The following NDUFS7 variants were observed in gnomAD, a reference collection of about 807,000 sequenced individuals.
The protein encoded by NDUFS7 is NADH:ubiquinone oxidoreductase core subunit S7.
NDUFS7 carries 11 observed loss-of-function variants against 31.1 expected under a neutral mutation model. The observed-to-expected ratio is 0.35, with a 90% CI of 0.22 to 0.59. NDUFS7 has a LOEUF of 0.59. NDUFS7 is among the 20% of genes least tolerant of loss of function. The pLI is 0.79. For missense variants in NDUFS7, 263 were observed against 324.2 expected, an observed-to-expected ratio of 0.81 and a Z score of 1.45; for synonymous variants, 136 against 127.9, an observed-to-expected ratio of 1.06 and a Z score of -0.43.
chr19:1,389,907 CTT>C (rs531607907), intron 4 of NDUFS7: 843 of 179,426 alleles, frequency 4.7e-3, no homozygotes, highest in South Asian at 0.012. Flanking sequence ...CTTTTCTTTT[CTT>C]TTTTTTTTTT....
intron 4 of NDUFS7, chr19:1,389,459 C>G: frequency 2.2e-6 from 1 of 457,836 alleles, no homozygotes; most frequent in South Asian, 1.5e-5. Context: ...CCGGAGGCCC[C>G]TGTGCTGGCC....
At chr19:1,394,257 G>C in intron 7 of NDUFS7, 1 of 794,504 alleles carries the variant, frequency 1.3e-6, no homozygotes, top group Non-Finnish European at 1.8e-6. Flanking sequence ...AGGTCACCCC[G>C]GGGGCAGTGG....
At chr19:1,389,519 C>T (rs777794317) in intron 4 of NDUFS7, 1 of 457,142 alleles carries the variant, frequency 2.2e-6, no homozygotes, top group Non-Finnish European at 4.4e-6. Flanking sequence ...GGAGATGACC[C>T]CTCCGTTTCC....
chr19:1,390,310 C>A (rs1360600427), intron 4 of NDUFS7: 1 of 176,462 alleles, frequency 5.7e-6, no homozygotes, highest in East Asian at 1.6e-4. Context: ...GCAGCCCTGC[C>A]TCACTCTGTA....
At position 1,395,063 on chromosome 19, in the gene NDUFS7, G is replaced by C. The variant is rs912279330; in HGVS notation, c.545-328G>C. Reference sequence around the variant, plus strand: ...CTCCCCACTGCTAAGTGTGTCTGCTGAGCGCTGGCCCCCATTGAGTCCTGA... The same window carrying C: ...CTCCCCACTGCTAAGTGTGTCTGCTCAGCGCTGGCCCCCATTGAGTCCTGA... On this transcript the variant is annotated intron_variant, in intron 7 of 7. Coordinates refer to ENST00000233627, the MANE Select transcript of NDUFS7 (RefSeq NM_024407.5). 12 of 1,242,558 alleles carry C rather than the reference G, an allele frequency of 9.7e-6. No homozygotes were observed. In the African/African-American group the frequency reaches 1.9e-4, roughly 19 times the overall value. 77.0% of individuals were successfully genotyped at this position (1,242,558 alleles called of 1,614,324 possible). A position where few individuals can be genotyped will look rare whatever the true frequency, so the allele number is the denominator to read the frequency against.
intron 2 of NDUFS7, 81 bp downstream of exon 2, chr19:1,387,928 G>A: frequency 2.4e-6 from 1 of 412,814 alleles, no homozygotes; most frequent in Non-Finnish European, 4.7e-6. Context: ...GGTGGGGGGT[G>A]GGGGGAGCGC....
At chr19:1,392,814 TGGG>T (rs2082566296) in intron 6 of NDUFS7, 2 of 277,974 alleles carry the variant, frequency 7.2e-6, no homozygotes. Context: ...TGTGGTCTCC[TGGG>T]GTTTCCAGCT....
At position 1,388,530 on chromosome 19, in the gene NDUFS7, G is replaced by T; in HGVS notation, c.59G>T (p.Ser20Ile). Residue 20 changes from serine to isoleucine, a missense_variant, in exon 3 of 8, where the codon AGC (serine) becomes ATC (isoleucine). Transcript: ENST00000233627. ...CGCGTTCCATCTCCCGGCAGCTCCA[G>T]CGTGGGCCCGGCTGTGCAGGCACGA... ...RGFRILGLRS[S>I]VGPAVQARGV... The T allele has an allele frequency of 1.2e-6, 2 of 1,611,188 alleles. No individual in the cohort carries two copies. The highest frequency in any genetic ancestry group is 3.3e-5 in the Admixed American group (2 of 59,988).
intron 4 of NDUFS7, 144 bp from the exon 5 acceptor site, chr19:1,390,727 C>T: frequency 1.1e-6 from 1 of 875,304 alleles, no homozygotes; most frequent in Non-Finnish European, 1.8e-6. Context: ...CCGGAGGCCA[C>T]CTGCAGGAGC....
At chr19:1,394,154 C>T in intron 7 of NDUFS7, 1 of 347,944 alleles carries the variant, frequency 2.9e-6, no homozygotes, top group Non-Finnish European at 5.6e-6. Flanking sequence ...AGAGGCACAT[C>T]CTGGTGCCTC....
At chr19:1,387,136 C>T (rs190664590) in intron 1 of NDUFS7, 203 of 150,952 alleles carry the variant, frequency 1.3e-3, no homozygotes, top group Non-Finnish European at 2.4e-3. Context: ...TGGGCAGCGC[C>T]CTCCCCGCTT....
Position 1,388,834 on chromosome 19 carries a change from A to G in NDUFS7, c.124A>G (p.Thr42Ala). 1 of 1,590,718 alleles carries G rather than the reference A, an allele frequency of 6.3e-7. No homozygotes were observed. Residue 42 changes from threonine to alanine, a missense_variant and splice_region_variant, in exon 4 of 8, where the codon ACC (threonine) becomes GCC (alanine). By Grantham distance (58) the Thr-to-Ala change is moderately conservative. Transcript: ENST00000233627. ...TGTGCCCGTGTGTCTCTGTGCCAGC[A>G]CCCAGCCTGCCCTGCCAAAGGCCAG... is the stretch of plus-strand genomic sequence containing the variant. ...QSVATDGPSSTQPALPKARAV... is the reference protein window; with the variant it reads ...QSVATDGPSSAQPALPKARAV...
chr19:1,393,348 C>T lies in NDUFS7; in HGVS notation c.544+18C>T. ...CATCCCAGGTAGGGCCGGGACCGCA[C>T]CGCCCACGAGGGAGCTGGAGACAGG... On this transcript the variant is annotated intron_variant, in intron 7 of 7. Transcript: ENST00000233627. The surrounding 1 kb of genome is among the most constrained non-coding windows in gnomAD (Gnocchi z 7.3). 6.4e-7 allele frequency: 1 copy of T among 1,553,170 alleles called. No homozygotes were observed. Among genetic ancestry groups the T allele is most frequent in the Non-Finnish European group, 8.7e-7 (1 of 1,149,128 alleles).
chr19:1,393,698 A>G lies in NDUFS7; in HGVS notation c.544+368A>G. 1.8e-6 allele frequency: 1 copy of G among 568,660 alleles called. No homozygotes were observed. The highest frequency in any genetic ancestry group is 3.2e-6 in the Non-Finnish European group (1 of 317,318). The allele number at this position is 568,660 out of a possible 1,614,324, so 35.2% of individuals were successfully genotyped here. On this transcript the variant is annotated intron_variant, in intron 7 of 7. Coordinates refer to ENST00000233627, the MANE Select transcript of NDUFS7 (RefSeq NM_024407.5). The surrounding 1 kb of genome is among the most constrained non-coding windows in gnomAD (Gnocchi z 7.3). ...TGTCCCGCGCCCTCAGCCTTACAGAAGGGCACGCAGGACTCCCTGGGACCC... is the reference window on the plus strand; with the variant it reads ...TGTCCCGCGCCCTCAGCCTTACAGAGGGGCACGCAGGACTCCCTGGGACCC...
intron 6 of NDUFS7, among the ~76,000 whole-genome samples, chr19:1,391,497 T>G (rs2082557614): frequency 6.6e-6 from 1 of 150,384 alleles, no homozygotes; most frequent in African/African-American, 2.4e-5. Context: ...TTTTTTTTTT[T>G]TTTTTTGAGA....
At position 1,388,937 on chromosome 19, in the gene NDUFS7, G is replaced by C; in HGVS notation, c.227G>C (p.Arg76Pro). 6.2e-7 allele frequency: 1 copy of C among 1,603,112 alleles called. No homozygotes were observed. Among genetic ancestry groups the C allele is most frequent in the Non-Finnish European group, 8.5e-7 (1 of 1,175,172 alleles). The change falls in exon 4 of 8, where the codon CGG (arginine) becomes CCG (proline). Residue 76 changes from arginine to proline, a missense_variant and splice_region_variant. Physicochemically the swap from Arg to Pro is moderately radical, Grantham distance 103 (BLOSUM62 -2). Coordinates refer to ENST00000233627, the MANE Select transcript of NDUFS7 (RefSeq NM_024407.5). ...GATGACCTCGTCAACTGGGCCCGCC[G>C]GGTGAGTACTATGAGCTGTAGGCCC... ...KLDDLVNWAR[R>P]SSLWPMTFGL... is the part of the protein sequence containing the mutation.
rs762472304 is a variant in NDUFS7, at chr19:1,390,856, G to T, written c.229-15G>T. The T allele has an allele frequency of 1.9e-6, 3 of 1,605,046 alleles. No homozygotes were observed. The highest frequency in any genetic ancestry group is 2.2e-5 in the South Asian group (2 of 90,946). ...GCTCCGGGGGTGGCGTCTGACCCGA[G>T]CCCGGCCTCCGCAGAGTTCTCTGTG... On this transcript the variant is annotated splice_polypyrimidine_tract_variant and intron_variant, in intron 4 of 7. Transcript: ENST00000233627.
Position 1,389,064 on chromosome 19 carries a change from C to T in NDUFS7, c.228+126C>T, listed in dbSNP as rs141532719. The T allele has an allele frequency of 2.0e-3, 1,702 of 836,544 alleles. 17 individuals carry two copies. The highest frequency in any genetic ancestry group is 0.02 in the African/African-American group (1,164 of 59,518). 51.8% of individuals were successfully genotyped at this position (836,544 alleles called of 1,614,324 possible). A position where few individuals can be genotyped will look rare whatever the true frequency, so the allele number is the denominator to read the frequency against. ...CAACACATGCATGCACACTCACATG[C>T]GCACATGTGCATGCAAGCTCACATG... On this transcript the variant is annotated intron_variant, in intron 4 of 7. Coordinates refer to ENST00000233627, the MANE Select transcript of NDUFS7 (RefSeq NM_024407.5).
intron 2 of NDUFS7, 75 bp from the exon 3 acceptor site, chr19:1,388,450 G>C: frequency 7.3e-7 from 1 of 1,367,734 alleles, no homozygotes; most frequent in Non-Finnish European, 1.0e-6. Context: ...GGGAGAGGCA[G>C]GACAACAGTG....
Sources: allele counts gnomAD v4.1 joint callset (sites outside exome capture counted in the v4.1 genomes callset), GRCh38; gene constraint gnomAD v4.1.1; non-coding constraint Gnocchi (gnomAD v3.1); transcripts MANE v1.5; gene names NCBI Gene and HGNC (gene_info 2026-07-23, HGNC 2026-07-21).